FTCDNL1: variants seen among roughly 807,000 people sequenced by gnomAD.
FTCDNL1 encodes formiminotransferase N-terminal subdomain-containing protein.
In FTCDNL1, 11 loss-of-function variants were observed where a neutral mutation model predicts 5.9. The observed-to-expected ratio is 1.87, with a 90% confidence interval of 1.18 to 3.10. FTCDNL1 has a LOEUF of 3.10. Among genes scored for constraint, FTCDNL1 ranks in the 30% most tolerant of loss-of-function variants. The probability of loss-of-function intolerance (pLI) is 0.00; values close to 1 mark genes in which losing one functional copy is unlikely to be tolerated. For missense variants in FTCDNL1, 115 were observed against 65.5 expected (o/e 1.76, Z -2.61); for synonymous variants, 58 against 24.8 (o/e 2.34, Z -3.99).
the FTCDNL1 span, among the ~76,000 whole-genome samples, chr2:199,714,364 T>C: frequency 6.6e-6 from 1 of 152,172 alleles, no homozygotes; most frequent in South Asian, 2.1e-4. Flanking sequence ...TAACCATCAA[T>C]AATGTTTATC....
the FTCDNL1 span, among the ~76,000 whole-genome samples, chr2:199,703,132 G>A: frequency 6.6e-6 from 1 of 151,980 alleles, no homozygotes; most frequent in Non-Finnish European, 1.5e-5. Context: ...GTATACATGT[G>A]CCATGCTGGT....
At chr2:199,707,879 GT>G in the FTCDNL1 span, among the ~76,000 whole-genome samples, 73 of 151,902 alleles carry the variant, frequency 4.8e-4, 1 homozygote, top group African/African-American at 1.6e-3. Flanking sequence ...AATTTTCTGT[GT>G]TTTGGCTTTA....
intron 4 of FTCDNL1, among the ~76,000 whole-genome samples, chr2:199,815,284 C>G (rs1667392024): frequency 6.6e-6 from 1 of 152,170 alleles, no homozygotes; most frequent in African/African-American, 2.4e-5. Flanking sequence ...TTAATCATTT[C>G]TGAGCTCACT....
the FTCDNL1 span, among the ~76,000 whole-genome samples, chr2:199,705,528 T>C: frequency 1.8e-3 from 272 of 152,336 alleles, 2 homozygotes; most frequent in African/African-American, 6.2e-3. Flanking sequence ...TAGGATTTTC[T>C]TTATAATCAT....
the FTCDNL1 span, among the ~76,000 whole-genome samples, chr2:199,697,659 C>A: frequency 6.6e-6 from 1 of 152,134 alleles, no homozygotes; most frequent in Non-Finnish European, 1.5e-5. Flanking sequence ...AAGACTGTTA[C>A]CAACCACCAT....
chr2:199,811,295 C>A lies in FTCDNL1; in HGVS notation c.*1410G>T, dbSNP rs1701022497. On this transcript the variant is annotated 3_prime_UTR_variant, in exon 5 of 5. Transcript: ENST00000420128. ...CAATCTTAATGTTGCCACTCTTTAA[C>A]AGAAAACTTCCAAACATTTTTCTCT... 6.6e-6 allele frequency among the ~76,000 whole-genome samples: 1 copy of A among 152,176 alleles called. No homozygotes were observed. The highest frequency in any genetic ancestry group is 2.4e-5 in the African/African-American group (1 of 41,458).
At chr2:199,675,479 C>A in the FTCDNL1 span, among the ~76,000 whole-genome samples, 3 of 152,090 alleles carry the variant, frequency 2.0e-5, no homozygotes, top group Admixed American at 6.6e-5. Flanking sequence ...TTAATAACTA[C>A]ATTAGCCATA....
In FTCDNL1 at chr2:199,846,233, A is replaced by C. The variant is rs1446319310; in HGVS notation, c.116-63T>G. On this transcript the variant is annotated intron_variant, in intron 2 of 4. Transcript: ENST00000420128. ...TTCTGTGATAAAACCTTAATAGTTA[A>C]TTTCTTCTGGTATATTTAAATTTAG... is the stretch of plus-strand genomic sequence containing the variant. 5 of 633,628 alleles carry C rather than the reference A, an allele frequency of 7.9e-6. No homozygotes were observed. The South Asian group carries it at 8.9e-5, about 11-fold the overall frequency. The allele number at this position is 633,628 out of a possible 1,614,324, so 39.3% of individuals were successfully genotyped here.
chr2:199,685,673 A>T, the FTCDNL1 span, among the ~76,000 whole-genome samples: 1 of 152,196 alleles, frequency 6.6e-6, no homozygotes, highest in South Asian at 2.1e-4. Context: ...AAGAGTTTTT[A>T]AAATCCTATG....
the FTCDNL1 span, among the ~76,000 whole-genome samples, chr2:199,725,675 T>C: frequency 6.6e-6 from 1 of 152,204 alleles, no homozygotes; most frequent in Non-Finnish European, 1.5e-5. Context: ...AAATTCTGGG[T>C]TGGAAATTCT....
At chr2:199,831,361 G>A (rs1265968576) in intron 3 of FTCDNL1, among the ~76,000 whole-genome samples, 1 of 152,044 alleles carries the variant, frequency 6.6e-6, no homozygotes, top group Non-Finnish European at 1.5e-5. Flanking sequence ...GTGCACAAGA[G>A]GGACTATTCA....
At position 199,809,339 on chromosome 2, in the gene FTCDNL1, C is replaced by T. The variant is rs1329865493; in HGVS notation, c.*3366G>A. Among the ~76,000 whole-genome samples the T allele has an allele frequency of 2.6e-5, 4 of 151,754 alleles. No individual in the cohort carries two copies. The highest frequency in any genetic ancestry group is 9.7e-5 in the African/African-American group (4 of 41,274). ...CTCCTGGGTTCAAGTGATCCTCCTACCTTGGCCTCCCAAAGTGCTGGGATT... is the reference window on the plus strand; with the variant it reads ...CTCCTGGGTTCAAGTGATCCTCCTATCTTGGCCTCCCAAAGTGCTGGGATT... On this transcript the variant is annotated 3_prime_UTR_variant, in exon 5 of 5. Coordinates refer to ENST00000420128, the MANE Select transcript of FTCDNL1 (RefSeq NM_001363886.2).
intron 3 of FTCDNL1, among the ~76,000 whole-genome samples, chr2:199,829,654 A>C (rs1702246542): frequency 6.6e-6 from 1 of 152,230 alleles, no homozygotes; most frequent in Non-Finnish European, 1.5e-5. Context: ...GTATCTGTCT[A>C]CAGTGGTATT....
intron 3 of FTCDNL1, among the ~76,000 whole-genome samples, chr2:199,836,411 A>G (rs1702744705): frequency 6.6e-6 from 1 of 152,126 alleles, no homozygotes; most frequent in South Asian, 2.1e-4. Context: ...GGCTCAAACA[A>G]TCCTCCCACC....
the FTCDNL1 span, among the ~76,000 whole-genome samples, chr2:199,728,349 C>A: frequency 1.3e-5 from 2 of 152,010 alleles, no homozygotes; most frequent in South Asian, 4.2e-4. Flanking sequence ...TGGGTTCATG[C>A]CATTCTCCTG....
At chr2:199,718,408 G>A in the FTCDNL1 span, among the ~76,000 whole-genome samples, 1 of 152,270 alleles carries the variant, frequency 6.6e-6, no homozygotes, top group East Asian at 1.9e-4. Flanking sequence ...GTAGTAGTCC[G>A]TGGTATAAAT....
chr2:199,704,155 A>G, the FTCDNL1 span, among the ~76,000 whole-genome samples: 1 of 152,308 alleles, frequency 6.6e-6, no homozygotes, highest in Admixed American at 6.5e-5. Context: ...GAATTCCATA[A>G]CTGGGGTAAT....
chr2:199,745,539 C>T, the FTCDNL1 span, among the ~76,000 whole-genome samples: 2 of 152,338 alleles, frequency 1.3e-5, no homozygotes, highest in African/African-American at 4.8e-5. Context: ...TTTCCCATAG[C>T]ACTCGTACAC....
chr2:199,722,035 C>T, the FTCDNL1 span, among the ~76,000 whole-genome samples: 1 of 152,136 alleles, frequency 6.6e-6, no homozygotes, highest in Non-Finnish European at 1.5e-5. Context: ...AGACCTTTGT[C>T]AGATGGATAG....
Sources: gnomAD v4.1 joint callset for allele counts (sites outside exome capture counted in the v4.1 genomes callset) on GRCh38, gnomAD v4.1.1 for gene constraint, MANE v1.5 for transcripts, NCBI Gene and HGNC (gene_info 2026-07-23, HGNC 2026-07-21) for gene names.